Variants in ROBO1 observed in about 807,000 individuals in gnomAD.
The protein encoded by ROBO1 is roundabout homolog 1.
ROBO1 carries 149 observed loss-of-function variants against 195.9 expected under a neutral mutation model. The observed-to-expected ratio is 0.76, with a 90% CI of 0.67 to 0.87. ROBO1 has a LOEUF of 0.87. ROBO1 is among the 40% of genes least tolerant of loss of function. ROBO1 has a pLI of 0.00. For synonymous variants in ROBO1, 816 were observed against 733.2 expected (o/e 1.11, Z -1.82); for missense variants, 1,933 against 2,068.3 (o/e 0.93, Z 1.27).
At position 78,950,428 on chromosome 3, in the gene ROBO1, G is replaced by T. The variant is rs148979947; in HGVS notation, c.173-11501C>A. The stretch of plus-strand genomic sequence containing the variant: ...TAGCAAGGAGAAAAAACCAAACACC[G>T]CATGTTCTCACTCATAGGTGGGAAT... On this transcript the variant is annotated intron_variant, in intron 3 of 30. Coordinates refer to ENST00000464233, the MANE Select transcript of ROBO1 (RefSeq NM_002941.4). 2.7e-3 allele frequency among the ~76,000 whole-genome samples: 401 copies of T among 146,390 alleles called. 3 individuals are homozygous for T. The highest frequency in any genetic ancestry group is 0.018 in the Middle Eastern group (5 of 274).
chr3:78,996,712 AC>A (rs2077376018), intron 3 of ROBO1, among the ~76,000 whole-genome samples: 2 of 152,232 alleles, frequency 1.3e-5, no homozygotes, highest in South Asian at 4.1e-4. Context: ...ATACACACAC[AC>A]AAACACACAC....
intron 4 of ROBO1, among the ~76,000 whole-genome samples, chr3:78,747,516 A>C (rs1032426644): frequency 2.0e-5 from 3 of 152,150 alleles, no homozygotes; most frequent in Admixed American, 6.6e-5. Flanking sequence ...TGAGACTGTT[A>C]GAAGGCACCA....
chr3:79,625,423 G>GAAAAAAAAAAAAAAAAAAAAAAAAAA, intron 1 of ROBO1, among the ~76,000 whole-genome samples: 9 of 13,882 alleles, frequency 6.5e-4, no homozygotes, highest in East Asian at 3.2e-3. Flanking sequence ...TGTTTTTTTT[G>GAAAAAAAAAAAAAAAAAAAAAAAAAA]AAAAAAAAAA....
intron 2 of ROBO1, among the ~76,000 whole-genome samples, chr3:79,459,119 C>T (rs1323798793): frequency 6.6e-6 from 1 of 151,352 alleles, no homozygotes; most frequent in Non-Finnish European, 1.5e-5. Context: ...ATATGCATCA[C>T]ATTTATACTT....
At chr3:78,901,627 T>C (rs1339857365) in intron 4 of ROBO1, among the ~76,000 whole-genome samples, 1 of 152,188 alleles carries the variant, frequency 6.6e-6, no homozygotes, top group African/African-American at 2.4e-5. Flanking sequence ...GAAATTTGAC[T>C]GCAGTGGGAG....
chr3:79,486,284 T>G (rs1939156784), intron 2 of ROBO1, among the ~76,000 whole-genome samples: 1 of 152,132 alleles, frequency 6.6e-6, no homozygotes, highest in Non-Finnish European at 1.5e-5. Flanking sequence ...AATTTTGATC[T>G]CCTTGTGGTG....
intron 2 of ROBO1, among the ~76,000 whole-genome samples, chr3:79,146,814 T>C (rs2080662798): frequency 6.6e-6 from 1 of 151,952 alleles, no homozygotes; most frequent in Non-Finnish European, 1.5e-5. Context: ...TAGTTGAATC[T>C]GATTATTTAA....
chr3:79,148,278 A>G (rs953192646), intron 2 of ROBO1, among the ~76,000 whole-genome samples: 2 of 151,874 alleles, frequency 1.3e-5, no homozygotes, highest in East Asian at 3.9e-4. Flanking sequence ...TCACAGTAAG[A>G]ATGAGAAGAA....
At chr3:79,464,335 A>G (rs1937829379) in intron 2 of ROBO1, among the ~76,000 whole-genome samples, 1 of 152,228 alleles carries the variant, frequency 6.6e-6, no homozygotes, top group Non-Finnish European at 1.5e-5. Flanking sequence ...TAATCAAGGA[A>G]CTGCCAAACA....
At chr3:79,605,595 G>A (rs1944457217) in intron 1 of ROBO1, among the ~76,000 whole-genome samples, 1 of 151,894 alleles carries the variant, frequency 6.6e-6, no homozygotes, top group South Asian at 2.1e-4. Context: ...CTGAGAACCA[G>A]CTTCTTGTTC....
chr3:79,661,787 A>G (rs996875714), intron 1 of ROBO1, among the ~76,000 whole-genome samples: 9 of 152,164 alleles, frequency 5.9e-5, no homozygotes, highest in African/African-American at 2.2e-4. Flanking sequence ...CACATTTTAC[A>G]TATTGAAATT....
intron 2 of ROBO1, among the ~76,000 whole-genome samples, chr3:79,473,920 A>T (rs7651370): frequency 0.66 from 100,678 of 152,030 alleles, 34,644 homozygotes; most frequent in African/African-American, 0.87. Flanking sequence ...CAGAGAGCAA[A>T]AAATTATGTC....
At chr3:79,428,729 C>G (rs1211903891) in intron 2 of ROBO1, among the ~76,000 whole-genome samples, 1 of 151,904 alleles carries the variant, frequency 6.6e-6, no homozygotes, top group Non-Finnish European at 1.5e-5. Flanking sequence ...CAATTGTCCA[C>G]CGAATGGTGA....
At position 79,163,697 on chromosome 3, in the gene ROBO1, T is replaced by TTTG. The variant is rs1197907929; in HGVS notation, c.89-38161_89-38159dup. Reference sequence around the variant, plus strand: ...TCCTTGCCAACACTTGTTTTCAGGTTTTGTTGTTGTTGTTGTTGTTTTTTA... The same window carrying TTTG: ...TCCTTGCCAACACTTGTTTTCAGGTTTTGTTGTTGTTGTTGTTGTTGTTTTTTA... On this transcript the variant is annotated intron_variant, in intron 2 of 30. Transcript: ENST00000464233. Among the ~76,000 whole-genome samples, 15 of 152,122 alleles carry TTTG rather than the reference T, an allele frequency of 9.9e-5. No individual in the cohort carries two copies. In the South Asian group the frequency reaches 1.9e-3, roughly 19 times the overall value.
chr3:79,438,927 A>T (rs1478430947), intron 2 of ROBO1, among the ~76,000 whole-genome samples: 2 of 152,178 alleles, frequency 1.3e-5, no homozygotes, highest in East Asian at 3.9e-4. Flanking sequence ...TAATATTCTG[A>T]ATAGGTATGA....
intron 3 of ROBO1, among the ~76,000 whole-genome samples, chr3:78,993,630 C>T (rs1403150221): frequency 6.6e-6 from 1 of 152,146 alleles, no homozygotes; most frequent in African/African-American, 2.4e-5. Context: ...CGTCATCTCA[C>T]CCCAACCTTT....
chr3:79,181,735 A>T (rs900008286), intron 2 of ROBO1, among the ~76,000 whole-genome samples: 1 of 152,058 alleles, frequency 6.6e-6, no homozygotes, highest in Non-Finnish European at 1.5e-5. Flanking sequence ...TAAAGATTTA[A>T]GAGACATAGG....
intron 3 of ROBO1, among the ~76,000 whole-genome samples, chr3:78,949,235 G>T (rs1263859702): frequency 7.9e-6 from 1 of 126,968 alleles, no homozygotes; most frequent in East Asian, 2.1e-4. Context: ...AAAGCTGGAG[G>T]CATCACACTA....
At chr3:78,828,093 C>T (rs1367160003) in intron 4 of ROBO1, among the ~76,000 whole-genome samples, 5 of 152,134 alleles carry the variant, frequency 3.3e-5, no homozygotes, top group Admixed American at 1.3e-4. Context: ...TTGCTAGATT[C>T]GTTTGCTTTG....
Sources: gnomAD v4.1 joint callset for allele counts (sites outside exome capture counted in the v4.1 genomes callset) on GRCh38, gnomAD v4.1.1 for gene constraint, MANE v1.5 for transcripts, NCBI Gene and HGNC (gene_info 2026-07-23, HGNC 2026-07-21) for gene names.